NPFFR2: variants seen among roughly 807,000 people sequenced by gnomAD.
NPFFR2 encodes G-protein coupled receptor 74.
Under a neutral mutation model 13.1 loss-of-function variants are expected in NPFFR2, and 15 were observed. That is an observed-to-expected ratio of 1.15 (90% CI 0.77 to 1.76). The LOEUF is 1.76. NPFFR2 is among the 40% of genes most tolerant of loss of function. NPFFR2 has a pLI of 0.00. For synonymous variants in NPFFR2, 190 were observed against 175.7 expected, an observed-to-expected ratio of 1.08 and a Z score of -0.65; for missense variants, 572 against 503.5, an observed-to-expected ratio of 1.14 and a Z score of -1.30.
chr4:72,139,298 A>T (rs1239248822), intron 3 of NPFFR2, among the ~76,000 whole-genome samples: 1 of 152,062 alleles, frequency 6.6e-6, no homozygotes, highest in Non-Finnish European at 1.5e-5. Context: ...TTTTGTTGCC[A>T]TTGCTTTTGT....
intron 1 of NPFFR2, among the ~76,000 whole-genome samples, chr4:72,070,808 G>T (rs952779328): frequency 2.0e-5 from 3 of 151,964 alleles, no homozygotes; most frequent in Non-Finnish European, 4.4e-5. Context: ...AGTACTAAGG[G>T]GTGGATGCAT....
At chr4:72,105,798 C>T (rs527752506) in intron 1 of NPFFR2, among the ~76,000 whole-genome samples, 1 of 152,104 alleles carries the variant, frequency 6.6e-6, no homozygotes, top group South Asian at 2.1e-4. Flanking sequence ...ATTCCAATTT[C>T]AAAACCTTAA....
At chr4:72,085,881 A>G (rs1720756258) in intron 1 of NPFFR2, among the ~76,000 whole-genome samples, 1 of 152,160 alleles carries the variant, frequency 6.6e-6, no homozygotes. Context: ...GTGTATATAC[A>G]TATTGTCACA....
intron 1 of NPFFR2, among the ~76,000 whole-genome samples, chr4:72,041,456 T>C (rs1719218203): frequency 6.6e-6 from 1 of 152,212 alleles, no homozygotes; most frequent in South Asian, 2.1e-4. Context: ...CTGCAATGAA[T>C]ATATGAATGC....
chr4:72,137,998 G>GA, intron 2 of NPFFR2, 42 bp from the exon 3 acceptor site: 1 of 1,461,844 alleles, frequency 6.8e-7, no homozygotes, highest in Non-Finnish European at 9.6e-7. Flanking sequence ...GTGAGATTTT[G>GA]AAAATATGAT....
At chr4:72,036,203 A>T (rs1173181492) in intron 1 of NPFFR2, among the ~76,000 whole-genome samples, 1 of 152,150 alleles carries the variant, frequency 6.6e-6, no homozygotes, top group Non-Finnish European at 1.5e-5. Context: ...TTGCCAAAGT[A>T]AACATGTTTA....
rs1578429420 is a variant in NPFFR2, at chr4:72,061,005, T to C, written c.-8+28805T>C. 2.0e-5 allele frequency among the ~76,000 whole-genome samples: 3 copies of C among 152,214 alleles called. No homozygotes were observed. In the South Asian group the frequency reaches 6.2e-4, roughly 32 times the overall value. On this transcript the variant is annotated intron_variant, in intron 1 of 3. Coordinates refer to ENST00000308744, the MANE Select transcript of NPFFR2 (RefSeq NM_004885.3). ...GGAGAGTTTCGACAGCAGAAAGACATTTAAGTCAGAGAATATATGCTCACA... is the reference window on the plus strand; with the variant it reads ...GGAGAGTTTCGACAGCAGAAAGACACTTAAGTCAGAGAATATATGCTCACA...
intron 1 of NPFFR2, among the ~76,000 whole-genome samples, chr4:72,103,843 A>G (rs1721329248): frequency 1.3e-5 from 2 of 152,112 alleles, no homozygotes; most frequent in African/African-American, 4.8e-5. Context: ...ATCTCGTTTT[A>G]TATAAGAAAT....
intron 1 of NPFFR2, among the ~76,000 whole-genome samples, chr4:72,077,198 A>G (rs190043691): frequency 3.9e-5 from 6 of 152,148 alleles, no homozygotes; most frequent in Admixed American, 6.6e-5. Context: ...CCTGAGTTCC[A>G]TTCTTCCAGG....
intron 1 of NPFFR2, among the ~76,000 whole-genome samples, chr4:72,102,520 TC>T (rs1300308996): frequency 2.0e-5 from 2 of 99,184 alleles, no homozygotes; most frequent in Non-Finnish European, 4.0e-5. Flanking sequence ...ATGCTATCCC[TC>T]CCCCCTCCCC....
At chr4:72,131,386 A>G (rs1405406781) in intron 2 of NPFFR2, among the ~76,000 whole-genome samples, 1 of 142,466 alleles carries the variant, frequency 7.0e-6, no homozygotes, top group East Asian at 2.1e-4. Flanking sequence ...CATAGGTGGG[A>G]ATTGAACAAT....
intron 1 of NPFFR2, among the ~76,000 whole-genome samples, chr4:72,080,115 T>C (rs187702706): frequency 4.4e-4 from 67 of 151,876 alleles, no homozygotes; most frequent in Non-Finnish European, 6.2e-4. Context: ...GACCAATTTC[T>C]TTTGAAATAT....
At chr4:72,065,072 C>G (rs1338911193) in intron 1 of NPFFR2, among the ~76,000 whole-genome samples, 8 of 151,072 alleles carry the variant, frequency 5.3e-5, no homozygotes, top group Non-Finnish European at 1.2e-4. Flanking sequence ...AATAAAACAA[C>G]CAGCACTGGT....
At chr4:72,116,011 T>C (rs1263513286) in intron 1 of NPFFR2, among the ~76,000 whole-genome samples, 2 of 152,128 alleles carry the variant, frequency 1.3e-5, no homozygotes, top group South Asian at 4.1e-4. Flanking sequence ...AAATTAGTCA[T>C]TTTTACACAT....
chr4:72,073,764 G>A (rs143555363), intron 1 of NPFFR2, among the ~76,000 whole-genome samples: 2 of 151,912 alleles, frequency 1.3e-5, no homozygotes, highest in Non-Finnish European at 2.9e-5. Flanking sequence ...GCTGTTAAAG[G>A]TGCAGAATTT....
intron 1 of NPFFR2, among the ~76,000 whole-genome samples, chr4:72,056,766 T>C (rs1174295175): frequency 6.6e-6 from 1 of 152,000 alleles, no homozygotes; most frequent in African/African-American, 2.4e-5. Flanking sequence ...GGGATGATTT[T>C]GAGAAGTTGA....
chr4:72,042,181 T>A (rs1369381630), intron 1 of NPFFR2, among the ~76,000 whole-genome samples: 1 of 152,164 alleles, frequency 6.6e-6, no homozygotes, highest in Non-Finnish European at 1.5e-5. Context: ...GATGGCTTTA[T>A]AAGGGGCTTT....
intron 1 of NPFFR2, among the ~76,000 whole-genome samples, chr4:72,112,139 AG>A (rs1228944823): frequency 3.3e-5 from 5 of 152,028 alleles, no homozygotes; most frequent in African/African-American, 1.2e-4. Context: ...AAACACATTC[AG>A]GCTGCTGTTT....
intron 1 of NPFFR2, among the ~76,000 whole-genome samples, chr4:72,073,507 A>T (rs566241015): frequency 4.2e-4 from 64 of 152,170 alleles, no homozygotes; most frequent in Non-Finnish European, 7.7e-4. Context: ...CAATTATAAA[A>T]GCTAATGGTG....
Sources: allele counts gnomAD v4.1 joint callset (sites outside exome capture counted in the v4.1 genomes callset), GRCh38; gene constraint gnomAD v4.1.1; transcripts MANE v1.5; gene names NCBI Gene and HGNC (gene_info 2026-07-23, HGNC 2026-07-21).